The following PLIN3 variants were observed in gnomAD, a reference collection of about 807,000 sequenced individuals.
PLIN3 encodes the protein perilipin-3.
A neutral mutation model predicts 35.9 loss-of-function variants in PLIN3; 30 were observed. That is an observed-to-expected ratio of 0.84 (90% CI 0.62 to 1.13). The LOEUF (loss-of-function observed/expected upper bound fraction) is 1.13, where lower values mean the gene tolerates loss of function less well. Among genes scored for constraint, PLIN3 ranks in the 50% most tolerant of loss-of-function variants. The probability of loss-of-function intolerance (pLI) is 0.00; values close to 1 mark genes in which losing one functional copy is unlikely to be tolerated. For missense variants in PLIN3, 603 were observed against 596.9 expected, an observed-to-expected ratio of 1.01 and a Z score of -0.11; for synonymous variants, 261 against 262.5, an observed-to-expected ratio of 0.99 and a Z score of 0.06.
At chr19:4,843,207 G>GTGA (rs1568372794) in intron 7 of PLIN3, among the ~76,000 whole-genome samples, 1 of 143,276 alleles carries the variant, frequency 7.0e-6, no homozygotes, top group East Asian at 2.2e-4. Context: ...GGGCAACAGA[G>GTGA]CAATAAATAA....
At position 4,855,689 on chromosome 19, in the gene PLIN3, T is replaced by G. The variant is rs1357082742; in HGVS notation, c.349-3388A>C. Among the ~76,000 whole-genome samples the G allele has an allele frequency of 5.3e-5, 8 of 152,106 alleles. No individual in the cohort carries two copies. In the East Asian group the frequency reaches 1.4e-3, roughly 26 times the overall value. Reference sequence around the variant, plus strand: ...TCCCAAAGTGCTGGGATTACAGGCGTGAGCCACCGTGCCTGGCTAGCCTGG... The same window carrying G: ...TCCCAAAGTGCTGGGATTACAGGCGGGAGCCACCGTGCCTGGCTAGCCTGG... On this transcript the variant is annotated intron_variant, in intron 4 of 7. Transcript: ENST00000221957.
At chr19:4,859,439 G>C in intron 4 of PLIN3, 151 bp downstream of exon 4, 1 of 695,480 alleles carries the variant, frequency 1.4e-6, no homozygotes, top group South Asian at 1.6e-5. Flanking sequence ...CAGCTACCCT[G>C]TGGGGAGTGG....
At chr19:4,846,498 A>G (rs1451693997) in intron 6 of PLIN3, among the ~76,000 whole-genome samples, 1 of 151,852 alleles carries the variant, frequency 6.6e-6, no homozygotes, top group African/African-American at 2.4e-5. Context: ...CAGGAGTTTG[A>G]GACCAGCCCG....
intron 4 of PLIN3, among the ~76,000 whole-genome samples, chr19:4,857,359 C>T (rs1490835853): frequency 6.6e-6 from 1 of 151,840 alleles, no homozygotes; most frequent in Non-Finnish European, 1.5e-5. Flanking sequence ...CTGTTGAGCC[C>T]AGGAGTCTGA....
intron 4 of PLIN3, among the ~76,000 whole-genome samples, chr19:4,855,464 C>T (rs76837716): frequency 1.3e-5 from 2 of 152,038 alleles, no homozygotes; most frequent in African/African-American, 4.8e-5. Flanking sequence ...TTCCATCCCC[C>T]CTCAGCCAAG....
intron 4 of PLIN3, among the ~76,000 whole-genome samples, chr19:4,858,406 C>T (rs1407904911): frequency 6.6e-6 from 1 of 151,104 alleles, no homozygotes; most frequent in African/African-American, 2.4e-5. Flanking sequence ...GAGACAGAGT[C>T]TCGCTCTGTC....
At position 4,847,762 on chromosome 19, in the gene PLIN3, G is replaced by A; in HGVS notation, c.763C>T (p.Leu255=). The A allele has an allele frequency of 6.2e-7, 1 of 1,613,260 alleles. No individual in the cohort carries two copies. The highest frequency in any genetic ancestry group is 8.5e-7 in the Non-Finnish European group (1 of 1,179,794). ...RLRQHAYEHS[L]GKLRATKQRA... is the part of the protein sequence containing the mutation. ...TGCTTGGTGGCTCGAAGCTTGCCCA[G>A]CGAGTGCTCATAGGCGTGCTGCCGC... The change falls in exon 6 of 8, where the codon CTG becomes TTG. Residue 255 remains leucine (L), a synonymous_variant. Coordinates refer to ENST00000221957, the MANE Select transcript of PLIN3 (RefSeq NM_005817.5).
intron 4 of PLIN3, among the ~76,000 whole-genome samples, chr19:4,858,604 G>A (rs1169540803): frequency 6.6e-6 from 1 of 150,936 alleles, no homozygotes; most frequent in Non-Finnish European, 1.5e-5. Context: ...GGATGGTCTC[G>A]ATCTCCTGAC....
At chr19:4,852,807 A>G (rs897265432) in intron 4 of PLIN3, among the ~76,000 whole-genome samples, 2 of 151,592 alleles carry the variant, frequency 1.3e-5, no homozygotes, top group African/African-American at 4.9e-5. Flanking sequence ...TGCCTGGCTA[A>G]TTGTTTTTTG....
intron 5 of PLIN3, among the ~76,000 whole-genome samples, chr19:4,849,461 T>C (rs764084418): frequency 4.6e-4 from 70 of 151,884 alleles, no homozygotes; most frequent in Non-Finnish European, 8.7e-4. Context: ...AGGCGTGCAC[T>C]AGCACACCCA....
intron 7 of PLIN3, among the ~76,000 whole-genome samples, chr19:4,842,584 A>G (rs1236682710): frequency 8.4e-6 from 1 of 118,988 alleles, no homozygotes; most frequent in Non-Finnish European, 1.6e-5. Context: ...AGGGTGACAG[A>G]GTGAGACTCT....
At position 4,847,862 on chromosome 19, in the gene PLIN3, A is replaced by C. The variant is rs9304915; in HGVS notation, c.663T>G (p.Phe221Leu). Residue 221 changes from phenylalanine to leucine, a missense_variant, in exon 6 of 8, where the codon TTT (phenylalanine) becomes TTG (leucine). Coordinates refer to ENST00000221957, the MANE Select transcript of PLIN3 (RefSeq NM_005817.5). ...GCTGCTGCTGCACGGACGCGACGTC[A>C]AAGCCATCCAGGGATGTGGCGATGC... is the stretch of plus-strand genomic sequence containing the variant. ...LARIATSLDG[F>L]DVASVQQQRQ... 1.9e-6 allele frequency: 3 copies of C among 1,613,522 alleles called. No individual in the cohort carries two copies. Among genetic ancestry groups the C allele is most frequent in the Admixed American group, 1.7e-5 (1 of 59,846 alleles).
At chr19:4,861,201 AT>A (rs1412590250) in intron 2 of PLIN3, 127 bp downstream of exon 2, 14 of 771,082 alleles carry the variant, frequency 1.8e-5, no homozygotes, top group Non-Finnish European at 3.1e-5. Flanking sequence ...CCACTGAGGA[AT>A]AAATCCCTCT....
intron 4 of PLIN3, among the ~76,000 whole-genome samples, chr19:4,858,788 G>A (rs149567614): frequency 5.8e-5 from 8 of 138,058 alleles, no homozygotes; most frequent in African/African-American, 2.1e-4. Flanking sequence ...TGCAACCTCC[G>A]CCTCCAGGGT....
At position 4,844,812 on chromosome 19, in the gene PLIN3, A is replaced by G; in HGVS notation, c.835-19T>C. On this transcript the variant is annotated intron_variant, in intron 6 of 7. Transcript: ENST00000221957. Reference sequence around the variant, plus strand: ...TTTCCATCTGGGGCAGGGGAGAGAGAAGTGAGGGAAGGAGGCTCCCCTGGG... The same window carrying G: ...TTTCCATCTGGGGCAGGGGAGAGAGGAGTGAGGGAAGGAGGCTCCCCTGGG... 6.3e-7 allele frequency: 1 copy of G among 1,579,202 alleles called. No individual in the cohort carries two copies. Among genetic ancestry groups the G allele is most frequent in the South Asian group, 1.2e-5 (1 of 86,446 alleles).
chr19:4,858,937 G>T (rs1338855235), intron 4 of PLIN3, among the ~76,000 whole-genome samples: 1 of 140,998 alleles, frequency 7.1e-6, no homozygotes, highest in East Asian at 2.3e-4. Context: ...CCCAACCTCA[G>T]GTGATCCTCC....
chr19:4,839,904 A>C (rs1465529037), intron 7 of PLIN3, among the ~76,000 whole-genome samples: 1 of 149,190 alleles, frequency 6.7e-6, no homozygotes, highest in Non-Finnish European at 1.5e-5. Flanking sequence ...TGACCTCGTG[A>C]TCCGCCTGCC....
intron 3 of PLIN3, 63 bp downstream of exon 3, chr19:4,859,763 C>A: frequency 3.8e-6 from 6 of 1,597,054 alleles, no homozygotes; most frequent in Non-Finnish European, 4.3e-6. Flanking sequence ...GGTAGACCCC[C>A]CTACTCCCCA....
intron 1 of PLIN3, among the ~76,000 whole-genome samples, chr19:4,865,925 A>G (rs979618841): frequency 1.3e-5 from 2 of 149,826 alleles, no homozygotes; most frequent in African/African-American, 4.9e-5. Flanking sequence ...GGATTTCACC[A>G]TGTTAGCCAG....
Sources: allele counts gnomAD v4.1 joint callset (sites outside exome capture counted in the v4.1 genomes callset), GRCh38; gene constraint gnomAD v4.1.1; transcripts MANE v1.5; gene names NCBI Gene and HGNC (gene_info 2026-07-23, HGNC 2026-07-21).